Variants in METTL15 observed in about 807,000 individuals in gnomAD.
METTL15 encodes 12S rRNA N(4)-cytidine methyltransferase METTL15.
In METTL15, 34 loss-of-function variants were observed where a neutral mutation model predicts 38.3. The ratio of observed to expected loss-of-function variants is 0.89; its 90% CI spans 0.68 to 1.18. The LOEUF (loss-of-function observed/expected upper bound fraction) is 1.18, where lower values mean the gene tolerates loss of function less well. METTL15 is among the 50% of genes most tolerant of loss of function. The pLI is 0.00. For missense variants in METTL15, 438 were observed against 498.4 expected, an observed-to-expected ratio of 0.88 and a Z score of 1.15; for synonymous variants, 162 against 170.9, an observed-to-expected ratio of 0.95 and a Z score of 0.41.
intron 3 of METTL15, among the ~76,000 whole-genome samples, chr11:28,141,728 A>C (rs948081434): frequency 1.3e-5 from 2 of 152,110 alleles, no homozygotes; most frequent in African/African-American, 4.8e-5. Context: ...AAAATAAAAT[A>C]AAATCTTGTG....
At chr11:28,165,514 A>G (rs1590848322) in intron 3 of METTL15, among the ~76,000 whole-genome samples, 1 of 151,628 alleles carries the variant, frequency 6.6e-6, no homozygotes, top group East Asian at 1.9e-4. Flanking sequence ...ACCATTTTTT[A>G]ATTGGTTTAC....
At chr11:28,157,448 C>T (rs992336278) in intron 3 of METTL15, among the ~76,000 whole-genome samples, 1 of 152,296 alleles carries the variant, frequency 6.6e-6, no homozygotes, top group South Asian at 2.1e-4. Flanking sequence ...GCAGGCCCCC[C>T]ATAGGTGAGT....
intron 3 of METTL15, among the ~76,000 whole-genome samples, chr11:28,146,461 A>G (rs1244517733): frequency 6.6e-6 from 1 of 151,982 alleles, no homozygotes; most frequent in Non-Finnish European, 1.5e-5. Context: ...TCTTTTGGCA[A>G]CTTGCTTAAT....
chr11:28,363,070 T>G (rs1850153958), intron 5 of METTL15, among the ~76,000 whole-genome samples: 1 of 152,264 alleles, frequency 6.6e-6, no homozygotes, highest in Admixed American at 6.5e-5. Context: ...TGAGATAGTA[T>G]ATAATCGTGA....
intron 6 of METTL15, among the ~76,000 whole-genome samples, chr11:28,437,903 C>A (rs979497181): frequency 3.3e-5 from 5 of 152,156 alleles, no homozygotes; most frequent in Admixed American, 3.3e-4. Context: ...AATAAATGAA[C>A]CAAATTTCTA....
chr11:28,297,057 C>A, intron 6 of METTL15, 126 bp downstream of exon 6: 1 of 914,828 alleles, frequency 1.1e-6, no homozygotes, highest in South Asian at 1.9e-5. Flanking sequence ...CTGAGGGATT[C>A]ATTTGTACTT....
rs140407574 is a variant in METTL15, at chr11:28,446,201, G to A, written c.*424+21837G>A. Reference sequence around the variant, plus strand: ...GAGACCCTTGTACCTGAGCCGGGGTGTAAGCTCCCATCAATGGACTGACAG... The same window carrying A: ...GAGACCCTTGTACCTGAGCCGGGGTATAAGCTCCCATCAATGGACTGACAG... On this transcript the variant is annotated intron_variant and NMD_transcript_variant, in intron 6 of 7. Coordinates refer to the METTL15 transcript ENST00000532947. Among the ~76,000 whole-genome samples, 14 of 152,214 alleles carry A rather than the reference G, an allele frequency of 9.2e-5. No individual in the cohort carries two copies. In the East Asian group the frequency reaches 2.1e-3, roughly 23 times the overall value.
At chr11:28,134,918 A>C (rs1849466141) in intron 3 of METTL15, among the ~76,000 whole-genome samples, 1 of 152,104 alleles carries the variant, frequency 6.6e-6, no homozygotes, top group Admixed American at 6.5e-5. Flanking sequence ...CAAACAAAGA[A>C]ACCTTGAGTT....
At chr11:28,371,921 A>G (rs1267091470) in intron 5 of METTL15, among the ~76,000 whole-genome samples, 1 of 152,068 alleles carries the variant, frequency 6.6e-6, no homozygotes, top group African/African-American at 2.4e-5. Flanking sequence ...GTATAAAACT[A>G]TGTTATTTTC....
At chr11:28,303,625 C>A (rs543307664) in intron 6 of METTL15, among the ~76,000 whole-genome samples, 15 of 152,182 alleles carry the variant, frequency 9.9e-5, no homozygotes, top group Admixed American at 9.8e-4. Flanking sequence ...TTTTGTGTAA[C>A]CTTTATTCTG....
chr11:28,425,611 G>A (rs1447623891), intron 6 of METTL15, among the ~76,000 whole-genome samples: 1 of 152,044 alleles, frequency 6.6e-6, no homozygotes, highest in African/African-American at 2.4e-5. Flanking sequence ...TCACCTTCAG[G>A]GAATATTTGG....
chr11:28,474,241 T>C (rs1488988493), intron 6 of METTL15, among the ~76,000 whole-genome samples: 2 of 151,606 alleles, frequency 1.3e-5, no homozygotes, highest in Non-Finnish European at 2.9e-5. Context: ...ACAGAAAATA[T>C]TTATTATAAA....
At chr11:28,143,013 C>A (rs1397501970) in intron 3 of METTL15, among the ~76,000 whole-genome samples, 1 of 151,930 alleles carries the variant, frequency 6.6e-6, no homozygotes, top group Non-Finnish European at 1.5e-5. Flanking sequence ...TAAACAGAAT[C>A]TGGTTAAGAG....
At position 28,296,854 on chromosome 11, in the gene METTL15, A is replaced by G. The variant is rs1856755964; in HGVS notation, c.701A>G (p.Lys234Arg). 6.2e-7 allele frequency: 1 copy of G among 1,613,476 alleles called. No homozygotes were observed. Among genetic ancestry groups the G allele is most frequent in the Non-Finnish European group, 8.5e-7 (1 of 1,179,714 alleles). ...RTYGEEKHAK[K>R]IASAIVQARS... is the part of the protein sequence containing the mutation. ...TACGGGGAGGAGAAGCATGCCAAGA[A>G]AATCGCTTCAGCAATTGTTCAGGCA... The change falls in exon 6 of 7, where the codon AAA (lysine) becomes AGA (arginine). Residue 234 changes from lysine (K) to arginine (R), a missense_variant. Coordinates refer to ENST00000407364, the MANE Select transcript of METTL15 (RefSeq NM_001113528.2).
At chr11:28,531,565 C>T (rs946980550), downstream of METTL15, among the ~76,000 whole-genome samples, 16 of 151,934 alleles carry the variant, frequency 1.1e-4, no homozygotes, top group Non-Finnish European at 1.9e-4. Flanking sequence ...TGAATCTCTC[C>T]GATCCTGTTT....
intron 2 of METTL15, among the ~76,000 whole-genome samples, chr11:28,110,956 C>T (rs1316904442): frequency 6.6e-6 from 1 of 152,156 alleles, no homozygotes; most frequent in Non-Finnish European, 1.5e-5. Context: ...AATCTTAAAT[C>T]ATTTAGGGTA....
intron 3 of METTL15, among the ~76,000 whole-genome samples, chr11:28,116,582 C>A (rs1277430624): frequency 2.0e-5 from 3 of 152,124 alleles, no homozygotes; most frequent in Non-Finnish European, 4.4e-5. Context: ...TTGGATCAGG[C>A]AGTTTTCATG....
intron 5 of METTL15, among the ~76,000 whole-genome samples, chr11:28,373,111 T>C (rs1850264369): frequency 6.6e-6 from 1 of 152,140 alleles, no homozygotes; most frequent in South Asian, 2.1e-4. Flanking sequence ...AGCAGCATGA[T>C]TTATAGTCCT....
chr11:28,435,592 T>G (rs775061165), intron 6 of METTL15, among the ~76,000 whole-genome samples: 1 of 152,134 alleles, frequency 6.6e-6, no homozygotes, highest in Non-Finnish European at 1.5e-5. Context: ...CTATAGAAAA[T>G]TAGGGGCAGA....
Sources: gnomAD v4.1 joint callset for allele counts (sites outside exome capture counted in the v4.1 genomes callset) on GRCh38, gnomAD v4.1.1 for gene constraint, MANE v1.5 for transcripts, NCBI Gene and HGNC (gene_info 2026-07-23, HGNC 2026-07-21) for gene names.